Variants in RYR2 observed in about 807,000 individuals in gnomAD.
RYR2 encodes ryanodine receptor 2, also known as cardiac muscle ryanodine receptor-calcium release channel.
A neutral mutation model predicts 601.1 loss-of-function variants in RYR2; 227 were observed. That is an observed-to-expected ratio of 0.38 (90% confidence interval 0.34 to 0.42). The LOEUF (loss-of-function observed/expected upper bound fraction) is 0.42, where lower values mean the gene tolerates loss of function less well. Among genes scored for constraint, RYR2 ranks in the 10% least tolerant of loss-of-function variants. RYR2 has a pLI of 1.00. For missense variants in RYR2, 4,646 were observed against 6,156.5 expected, an observed-to-expected ratio of 0.75 and a Z score of 8.21; for synonymous variants, 2,223 against 2,175.1, an observed-to-expected ratio of 1.02 and a Z score of -0.61.
At chr1:237,315,828 TATCTAGTGTAGTTTAATAGTAACC>T (rs1221694651) in intron 2 of RYR2, among the ~76,000 whole-genome samples, 1 of 152,192 alleles carries the variant, frequency 6.6e-6, no homozygotes, top group Non-Finnish European at 1.5e-5. Flanking sequence ...AAAGCAGAGT[TATCTAGTGTAGTTTAATAGTAACC>T]ATTATGTCCA....
At chr1:237,731,891 TAC>T (rs71561898) in intron 77 of RYR2, among the ~76,000 whole-genome samples, 153 bp from the exon 78 acceptor site, 99 of 147,400 alleles carry the variant, frequency 6.7e-4, no homozygotes, top group Non-Finnish European at 1.2e-3. Flanking sequence ...GCATATAAAA[TAC>T]ACACACACAC....
intron 38 of RYR2, among the ~76,000 whole-genome samples, chr1:237,620,768 T>C (rs994203797): frequency 6.6e-6 from 1 of 150,630 alleles, no homozygotes; most frequent in Non-Finnish European, 1.5e-5. Context: ...CAAAGCAAAA[T>C]ATGTGAAGCC....
intron 1 of RYR2, among the ~76,000 whole-genome samples, chr1:237,149,463 T>C (rs1674459138): frequency 6.6e-6 from 1 of 152,160 alleles, no homozygotes; most frequent in Admixed American, 6.5e-5. Context: ...CAGTTAGGCC[T>C]CAAAACATAC....
intron 1 of RYR2, among the ~76,000 whole-genome samples, chr1:237,045,247 T>G (rs990928596): frequency 6.6e-6 from 1 of 152,242 alleles, no homozygotes; most frequent in African/African-American, 2.4e-5. Flanking sequence ...AAAGCTTTTT[T>G]GCTTTTCTTT....
intron 1 of RYR2, among the ~76,000 whole-genome samples, chr1:237,208,878 A>G (rs1364160323): frequency 2.8e-5 from 4 of 143,006 alleles, no homozygotes; most frequent in Admixed American, 7.2e-5. Flanking sequence ...TCCCCTCGCT[A>G]TGACCCCTGG....
chr1:237,166,623 T>G (rs2027253), intron 1 of RYR2, among the ~76,000 whole-genome samples: 1 of 152,146 alleles, frequency 6.6e-6, no homozygotes, highest in Non-Finnish European at 1.5e-5. Context: ...TTCTTTGGAT[T>G]TGTTACGTCA....
intron 1 of RYR2, among the ~76,000 whole-genome samples, chr1:237,164,426 G>T (rs1676406742): frequency 6.6e-6 from 1 of 152,156 alleles, no homozygotes; most frequent in Non-Finnish European, 1.5e-5. Context: ...GTCATTGTTG[G>T]GTGCACAGTA....
chr1:237,535,476 A>AACAC (rs71561884), intron 25 of RYR2, among the ~76,000 whole-genome samples: 2 of 104,666 alleles, frequency 1.9e-5, no homozygotes, highest in Non-Finnish European at 4.0e-5. Flanking sequence ...AATTGAATCA[A>AACAC]ACACACATAC....
At chr1:237,806,321 A>G in intron 99 of RYR2, 38 bp downstream of exon 99, 6 of 1,566,100 alleles carry the variant, frequency 3.8e-6, no homozygotes, top group Non-Finnish European at 5.2e-6. Context: ...GCAGAAAATA[A>G]AAAAGCAACA....
rs1054884824 is a variant in RYR2, at chr1:237,079,718, G to C, written c.48+37149G>C. On this transcript the variant is annotated intron_variant, in intron 1 of 104. Transcript: ENST00000366574. ...GCCATACTGCCCAAGGTAATTTACA[G>C]ATTCAATGCCATCCCCATCAAGCTA... 6.6e-4 allele frequency among the ~76,000 whole-genome samples: 92 copies of C among 140,452 alleles called. 5 individuals are homozygous for C. The highest frequency in any genetic ancestry group is 2.8e-3 in the African/African-American group (88 of 31,792). 92.1% of individuals were successfully genotyped at this position (140,452 alleles called of 152,430 possible). A position where few individuals can be genotyped will look rare whatever the true frequency, so the allele number is the denominator to read the frequency against.
intron 3 of RYR2, among the ~76,000 whole-genome samples, chr1:237,350,789 A>G (rs1698773083): frequency 6.6e-6 from 1 of 151,502 alleles, no homozygotes; most frequent in Non-Finnish European, 1.5e-5. Flanking sequence ...ATAAAAACAA[A>G]AATTGACAAA....
chr1:237,728,456 T>C (rs1040707973), intron 76 of RYR2, among the ~76,000 whole-genome samples: 5 of 152,090 alleles, frequency 3.3e-5, no homozygotes, highest in African/African-American at 1.2e-4. Context: ...GGATTATAAA[T>C]CATTCTACTA....
At chr1:237,356,771 T>C (rs1388326057) in intron 4 of RYR2, among the ~76,000 whole-genome samples, 1 of 152,154 alleles carries the variant, frequency 6.6e-6, no homozygotes, top group East Asian at 1.9e-4. Flanking sequence ...CACACCAGGA[T>C]TCTGAATGGA....
At position 237,795,836 on chromosome 1, in the gene RYR2, GTATATATA is replaced by G. The variant is rs1553329286; in HGVS notation, c.13956+511_13956+518del. 1.7e-3 allele frequency among the ~76,000 whole-genome samples: 221 copies of G among 132,640 alleles called. 1 individual carries two copies. The highest frequency in any genetic ancestry group is 5.7e-3 in the African/African-American group (198 of 34,916). 87.0% of individuals were successfully genotyped at this position (132,640 alleles called of 152,430 possible). ...TATACAGGTATGTATGTGTGTGTGT[GTATATATA>G]TATATGTATATGTATATATATATAT... On this transcript the variant is annotated intron_variant, in intron 96 of 104. Coordinates refer to ENST00000366574, the MANE Select transcript of RYR2 (RefSeq NM_001035.3).
rs538554161 is a variant in RYR2 at position 237,506,433 on chromosome 1, GA to G, written c.2614-276del. Among the ~76,000 whole-genome samples, 20 of 152,184 alleles carry G rather than the reference GA, an allele frequency of 1.3e-4. 2 individuals carry two copies. In the South Asian group the frequency reaches 4.1e-3, roughly 32 times the overall value. ...GGCACCTGCATTCCCAGCTACTCGG[GA>G]GGCTGAGGCAGGAGAATGGTGTGAA... On this transcript the variant is annotated intron_variant, in intron 22 of 104. Coordinates refer to ENST00000366574, the MANE Select transcript of RYR2 (RefSeq NM_001035.3).
intron 70 of RYR2, among the ~76,000 whole-genome samples, chr1:237,710,898 C>A (rs566835089): frequency 6.6e-6 from 1 of 152,176 alleles, no homozygotes; most frequent in Non-Finnish European, 1.5e-5. Context: ...TTTTGAGCTG[C>A]CAAAAAACAA....
rs1239048686 is a variant in RYR2, at chr1:237,674,227, T to G, written c.8714+8T>G. 6.2e-7 allele frequency: 1 copy of G among 1,604,038 alleles called. No homozygotes were observed. The highest frequency in any genetic ancestry group is 8.5e-7 in the Non-Finnish European group (1 of 1,171,546). ...TGGATATGCTGTATCCAGGTAAAAG[T>G]ACACATACCCTAAGTACACACTCTT... On this transcript the variant is annotated splice_region_variant and intron_variant, in intron 59 of 104. Coordinates refer to ENST00000366574, the MANE Select transcript of RYR2 (RefSeq NM_001035.3).
intron 27 of RYR2, 29 bp downstream of exon 27, chr1:237,550,720 G>A (rs1045824055): frequency 6.7e-5 from 102 of 1,533,306 alleles, no homozygotes; most frequent in African/African-American, 1.4e-4. Context: ...CCTCTTCTTC[G>A]GTTGCAAGAT....
intron 1 of RYR2, among the ~76,000 whole-genome samples, chr1:237,205,283 C>A (rs1681680894): frequency 6.6e-6 from 1 of 152,120 alleles, no homozygotes; most frequent in Non-Finnish European, 1.5e-5. Context: ...GAGTTGTGGC[C>A]CACAGGTGAC....
Sources: allele counts gnomAD v4.1 joint callset (sites outside exome capture counted in the v4.1 genomes callset), GRCh38; gene constraint gnomAD v4.1.1; transcripts MANE v1.5; gene names NCBI Gene and HGNC (gene_info 2026-07-23, HGNC 2026-07-21).